ASCC3: variants seen among roughly 807,000 people sequenced by gnomAD.
The protein encoded by ASCC3 is ASC-1 complex subunit P200.
A neutral mutation model predicts 256.3 loss-of-function variants in ASCC3; 158 were observed. That is an observed-to-expected ratio of 0.62 (90% CI 0.54 to 0.70). ASCC3 has a LOEUF of 0.70. ASCC3 is among the 30% of genes least tolerant of loss of function. The pLI, the probability that ASCC3 is intolerant of heterozygous loss-of-function variation, is 0.00. For missense variants in ASCC3, 2,259 were observed against 2,626.0 expected (o/e 0.86, Z 3.05); for synonymous variants, 948 against 883.4 (o/e 1.07, Z -1.30).
chr6:100,717,703 A>G (rs1471780543), intron 12 of ASCC3, among the ~76,000 whole-genome samples: 1 of 152,120 alleles, frequency 6.6e-6, no homozygotes, highest in Admixed American at 6.6e-5. Flanking sequence ...TATTAAATGA[A>G]TATCATCACA....
chr6:100,775,137 A>T (rs1562288330), intron 8 of ASCC3, among the ~76,000 whole-genome samples: 2 of 152,176 alleles, frequency 1.3e-5, no homozygotes, highest in African/African-American at 2.4e-5. Context: ...TTTTTCAGCC[A>T]CTAGGGATGT....
chr6:100,678,463 C>A (rs1321269887), intron 14 of ASCC3, among the ~76,000 whole-genome samples: 2 of 151,946 alleles, frequency 1.3e-5, no homozygotes, highest in African/African-American at 4.8e-5. Context: ...TTGAAAGAGA[C>A]TCTGATGTTC....
chr6:100,725,773 G>A (rs1779591773), intron 10 of ASCC3, 70 bp from the exon 11 acceptor site: 1 of 1,566,694 alleles, frequency 6.4e-7, no homozygotes, highest in African/African-American at 1.4e-5. Context: ...GTGATACTCA[G>A]AAAGAAATAT....
chr6:100,775,070 A>C (rs915606224), intron 8 of ASCC3, among the ~76,000 whole-genome samples: 13 of 152,084 alleles, frequency 8.5e-5, no homozygotes, highest in Non-Finnish European at 1.8e-4. Context: ...CCTTTTCTTC[A>C]CTCATTTACC....
At position 100,606,218 on chromosome 6, in the gene ASCC3, T is replaced by A. The variant is rs541738157; in HGVS notation, c.5045-518A>T. 2.6e-5 allele frequency among the ~76,000 whole-genome samples: 4 copies of A among 152,220 alleles called. No individual in the cohort carries two copies. In the South Asian group the frequency reaches 8.3e-4, roughly 32 times the overall value. ...TTAGAAATGATACAGCTTTTACATG[T>A]ATTCATTTAGTGGAAATATACATTG... On this transcript the variant is annotated intron_variant, in intron 32 of 41. Transcript: ENST00000369162.
intron 12 of ASCC3, among the ~76,000 whole-genome samples, chr6:100,717,062 G>A (rs1433014876): frequency 6.6e-6 from 1 of 151,778 alleles, no homozygotes; most frequent in Non-Finnish European, 1.5e-5. Flanking sequence ...CAATTATGAA[G>A]CTTAAAATAT....
intron 37 of ASCC3, 39 bp downstream of exon 37, chr6:100,540,124 G>A (rs192730624): frequency 0.014 from 21,408 of 1,546,678 alleles, 205 homozygotes; most frequent in Middle Eastern, 0.023. Flanking sequence ...AGGAATGATG[G>A]GAGAAAACAC....
chr6:100,616,340 T>C (rs1269772410), intron 30 of ASCC3, among the ~76,000 whole-genome samples: 1 of 152,250 alleles, frequency 6.6e-6, no homozygotes, highest in Admixed American at 6.5e-5. Flanking sequence ...ATTAAGCATG[T>C]GAAAACACTA....
chr6:100,655,019 A>G (rs570304333), intron 17 of ASCC3, among the ~76,000 whole-genome samples: 18 of 152,130 alleles, frequency 1.2e-4, no homozygotes, highest in African/African-American at 3.6e-4. Flanking sequence ...TAATATCCAT[A>G]TGATCATTGT....
intron 11 of ASCC3, among the ~76,000 whole-genome samples, chr6:100,725,222 T>C (rs1206539741): frequency 1.3e-5 from 2 of 151,986 alleles, no homozygotes; most frequent in Non-Finnish European, 1.5e-5. Context: ...ATGTACAATC[T>C]ACCAGAAAAC....
At chr6:100,803,469 GT>G (rs1770022663) in intron 5 of ASCC3, among the ~76,000 whole-genome samples, 4 of 152,124 alleles carry the variant, frequency 2.6e-5, no homozygotes, top group African/African-American at 9.7e-5. Context: ...CTTCTGCCAA[GT>G]TGCCTGAGGC....
intron 16 of ASCC3, 91 bp downstream of exon 16, chr6:100,661,715 C>T: frequency 7.4e-7 from 1 of 1,349,206 alleles, no homozygotes. Flanking sequence ...ATCCTAAACA[C>T]TACAAAACAG....
At chr6:100,736,313 G>A (rs1780160245) in intron 10 of ASCC3, among the ~76,000 whole-genome samples, 1 of 152,050 alleles carries the variant, frequency 6.6e-6, no homozygotes. Flanking sequence ...GACCATCCTG[G>A]CCAACATGGT....
At chr6:100,838,459 C>G (rs370232887) in intron 4 of ASCC3, among the ~76,000 whole-genome samples, 1 of 151,872 alleles carries the variant, frequency 6.6e-6, no homozygotes, top group African/African-American at 2.4e-5. Context: ...AAGAAAATGA[C>G]CATGAAAATT....
chr6:100,641,192 G>T (rs1344446905), intron 24 of ASCC3, among the ~76,000 whole-genome samples: 1 of 152,004 alleles, frequency 6.6e-6, no homozygotes, highest in Non-Finnish European at 1.5e-5. Flanking sequence ...AAATAAAAAG[G>T]TATTTGTTCA....
intron 36 of ASCC3, among the ~76,000 whole-genome samples, chr6:100,576,824 T>A (rs754748391): frequency 2.7e-5 from 4 of 150,832 alleles, no homozygotes; most frequent in Non-Finnish European, 4.4e-5. Context: ...AGGATGACAA[T>A]ATCTAAAAAC....
chr6:100,699,794 A>T (rs571180085), intron 13 of ASCC3, among the ~76,000 whole-genome samples: 1 of 152,296 alleles, frequency 6.6e-6, no homozygotes, highest in South Asian at 2.1e-4. Flanking sequence ...TTTAGCAAAG[A>T]GACTGGCGGC....
At chr6:100,859,279 C>A (rs765337110) in intron 3 of ASCC3, 8 of 776,794 alleles carry the variant, frequency 1.0e-5, no homozygotes, top group Non-Finnish European at 1.7e-5. Flanking sequence ...CCCCAAAAAT[C>A]TTCACTGCTT....
At chr6:100,742,119 T>C (rs1780464666) in intron 10 of ASCC3, among the ~76,000 whole-genome samples, 1 of 152,176 alleles carries the variant, frequency 6.6e-6, no homozygotes, top group Non-Finnish European at 1.5e-5. Context: ...CACTCTTCTG[T>C]AGGACTGCTG....
Sources: gnomAD v4.1 joint callset for allele counts (sites outside exome capture counted in the v4.1 genomes callset) on GRCh38, gnomAD v4.1.1 for gene constraint, MANE v1.5 for transcripts, NCBI Gene and HGNC (gene_info 2026-07-23, HGNC 2026-07-21) for gene names.